Variants in FER observed in about 807,000 individuals in gnomAD.
FER encodes tyrosine-protein kinase Fer.
A neutral mutation model predicts 111.0 loss-of-function variants in FER; 63 were observed. The observed-to-expected ratio is 0.57, with a 90% confidence interval of 0.46 to 0.70. The LOEUF is 0.70. FER is among the 30% of genes least tolerant of loss of function. The pLI is 0.00. For missense variants in FER, 914 were observed against 954.0 expected (o/e 0.96, Z 0.55); for synonymous variants, 327 against 313.9 (o/e 1.04, Z -0.44).
Position 108,810,270 on chromosome 5 carries a change from C to T in FER, c.207+11881C>T, listed in dbSNP as rs1468142678. 4.6e-5 allele frequency among the ~76,000 whole-genome samples: 7 copies of T among 152,122 alleles called. No homozygotes were observed. In the East Asian group the frequency reaches 1.4e-3, roughly 29 times the overall value. ...CAGTACATAGCGCTTATAGGTAAGA[C>T]GTGGCTGTGGCTAACACAGCTGGGT... On this transcript the variant is annotated intron_variant, in intron 3 of 19. Coordinates refer to ENST00000281092, the MANE Select transcript of FER (RefSeq NM_005246.4).
At chr5:108,782,935 G>C (rs1289635820) in intron 2 of FER, among the ~76,000 whole-genome samples, 1 of 152,170 alleles carries the variant, frequency 6.6e-6, no homozygotes, top group East Asian at 1.9e-4. Context: ...ATTTGTGTTG[G>C]TTATTCCTGG....
intron 17 of FER, among the ~76,000 whole-genome samples, chr5:109,111,777 C>T (rs1014620970): frequency 6.6e-6 from 1 of 152,112 alleles, no homozygotes; most frequent in Non-Finnish European, 1.5e-5. Flanking sequence ...AACTCACTAT[C>T]ATGAGAACAG....
intron 3 of FER, among the ~76,000 whole-genome samples, chr5:108,821,397 A>T (rs1264335451): frequency 6.6e-6 from 1 of 152,174 alleles, no homozygotes; most frequent in Non-Finnish European, 1.5e-5. Flanking sequence ...AAGAAAAATG[A>T]AGATATCCAA....
chr5:109,048,506 G>A (rs756952696), intron 16 of FER, among the ~76,000 whole-genome samples: 7 of 152,098 alleles, frequency 4.6e-5, no homozygotes, highest in Non-Finnish European at 1.0e-4. Flanking sequence ...ATTGTTAAAG[G>A]ACCACAGATG....
At chr5:108,760,691 T>C (rs1409622240) in intron 1 of FER, among the ~76,000 whole-genome samples, 1 of 152,196 alleles carries the variant, frequency 6.6e-6, no homozygotes, top group Non-Finnish European at 1.5e-5. Flanking sequence ...CCAGACTTCA[T>C]AGAATTGAAG....
At chr5:108,748,798 G>A (rs1205993402) in intron 1 of FER, among the ~76,000 whole-genome samples, 1 of 152,238 alleles carries the variant, frequency 6.6e-6, no homozygotes, top group Non-Finnish European at 1.5e-5. Flanking sequence ...GGAGGAGGGG[G>A]CTGAGGGCCG....
chr5:108,844,521 TTAAAA>T (rs1423436673), intron 5 of FER, among the ~76,000 whole-genome samples: 1 of 152,130 alleles, frequency 6.6e-6, no homozygotes, highest in Non-Finnish European at 1.5e-5. Flanking sequence ...CAGCACCTAT[TTAAAA>T]TATTTATTTT....
chr5:109,016,707 G>C (rs1010745170), intron 13 of FER, among the ~76,000 whole-genome samples: 5 of 151,994 alleles, frequency 3.3e-5, no homozygotes, highest in Admixed American at 6.6e-5. Context: ...TCAATGTTTA[G>C]AATCTATTCT....
At chr5:108,937,030 T>G (rs1755562797) in intron 10 of FER, among the ~76,000 whole-genome samples, 1 of 151,998 alleles carries the variant, frequency 6.6e-6, no homozygotes, top group Admixed American at 6.6e-5. Flanking sequence ...TTTCATTTTT[T>G]TCTTATGTGT....
chr5:109,047,260 A>G, intron 16 of FER, 62 bp downstream of exon 16: 3 of 944,846 alleles, frequency 3.2e-6, no homozygotes, highest in Non-Finnish European at 3.3e-6. Flanking sequence ...TTGTTTTTAT[A>G]TGTTCGATCT....
chr5:109,181,438 T>C (rs1758282106), intron 18 of FER, among the ~76,000 whole-genome samples: 1 of 152,106 alleles, frequency 6.6e-6, no homozygotes, highest in African/African-American at 2.4e-5. Flanking sequence ...GTCATTGTAA[T>C]TGGAAATAAA....
At chr5:108,906,276 T>C (rs1444533184) in intron 10 of FER, among the ~76,000 whole-genome samples, 1 of 152,202 alleles carries the variant, frequency 6.6e-6, no homozygotes, top group Admixed American at 6.5e-5. Flanking sequence ...TGTGTGTGCT[T>C]ACTTTTTTGC....
At chr5:108,845,991 A>G (rs949506322) in intron 5 of FER, among the ~76,000 whole-genome samples, 2 of 152,224 alleles carry the variant, frequency 1.3e-5, no homozygotes, top group East Asian at 3.9e-4. Context: ...GTCATGATGT[A>G]TTACTACTTT....
At position 109,100,543 on chromosome 5, in the gene FER, A is replaced by G. The variant is rs577116436; in HGVS notation, c.2048+24A>G. ...AGGTAAGGAGAACATTTTTAAAGCAATTTTTGGTTTTATTAATAGAATGCT... is the reference window on the plus strand; with the variant it reads ...AGGTAAGGAGAACATTTTTAAAGCAGTTTTTGGTTTTATTAATAGAATGCT... On this transcript the variant is annotated intron_variant, in intron 17 of 19. Coordinates refer to ENST00000281092, the MANE Select transcript of FER (RefSeq NM_005246.4). 26 of 1,586,316 alleles carry G rather than the reference A, an allele frequency of 1.6e-5. 1 individual carries two copies. The highest frequency in any genetic ancestry group is 5.7e-5 in the South Asian group (5 of 87,470).
chr5:109,107,933 CA>C (rs1179086549), intron 17 of FER, among the ~76,000 whole-genome samples: 1 of 152,070 alleles, frequency 6.6e-6, no homozygotes, highest in Non-Finnish European at 1.5e-5. Context: ...AAATTATGGA[CA>C]CAAATAATTG....
At chr5:108,754,157 TCA>T (rs932822740) in intron 1 of FER, among the ~76,000 whole-genome samples, 1 of 152,084 alleles carries the variant, frequency 6.6e-6, no homozygotes, top group Non-Finnish European at 1.5e-5. Context: ...ATGCCTGTAA[TCA>T]CAGTATTTTG....
chr5:108,938,738 C>T (rs1207270898), intron 10 of FER, among the ~76,000 whole-genome samples: 1 of 151,940 alleles, frequency 6.6e-6, no homozygotes, highest in African/African-American at 2.4e-5. Flanking sequence ...ATGGTTACAG[C>T]AGAACTGGTT....
At chr5:108,806,640 G>T (rs577447158) in intron 3 of FER, among the ~76,000 whole-genome samples, 1 of 152,194 alleles carries the variant, frequency 6.6e-6, no homozygotes, top group Non-Finnish European at 1.5e-5. Flanking sequence ...AGTCAAAGGA[G>T]ATCATTTTGG....
intron 3 of FER, among the ~76,000 whole-genome samples, chr5:108,817,103 C>CAAAAAAAAAAAAAAAAAAAAAAAAAA: frequency 3.4e-5 from 2 of 59,204 alleles, no homozygotes; most frequent in Non-Finnish European, 6.0e-5. Context: ...GACACTGTCT[C>CAAAAAAAAAAAAAAAAAAAAAAAAAA]AAAAAAAAAA....
Sources: gnomAD v4.1 joint callset for allele counts (sites outside exome capture counted in the v4.1 genomes callset) on GRCh38, gnomAD v4.1.1 for gene constraint, MANE v1.5 for transcripts, NCBI Gene and HGNC (gene_info 2026-07-23, HGNC 2026-07-21) for gene names.